FSIP1: variants seen among roughly 807,000 people sequenced by gnomAD.
FSIP1 encodes fibrous sheath-interacting protein 1.
FSIP1 carries 65 observed loss-of-function variants against 60.9 expected under a neutral mutation model. The observed-to-expected ratio is 1.07, with a 90% CI of 0.87 to 1.31. FSIP1 has a LOEUF of 1.31. Ranked by LOEUF, FSIP1 falls within the 40% of genes most tolerant of loss-of-function variation. FSIP1 has a pLI of 0.00. For synonymous variants in FSIP1, 209 were observed against 221.2 expected, an observed-to-expected ratio of 0.94 and a Z score of 0.49; for missense variants, 675 against 665.5, an observed-to-expected ratio of 1.01 and a Z score of -0.16.
chr15:39,612,521 C>T (rs1489654999), intron 11 of FSIP1, among the ~76,000 whole-genome samples: 1 of 151,934 alleles, frequency 6.6e-6, no homozygotes, highest in Non-Finnish European at 1.5e-5. Flanking sequence ...AAATATAAAA[C>T]AATAAATGCT....
chr15:39,758,388 G>A (rs1294439755), intron 5 of FSIP1, among the ~76,000 whole-genome samples: 1 of 151,906 alleles, frequency 6.6e-6, no homozygotes, highest in East Asian at 1.9e-4. Context: ...AGCAGGTTTG[G>A]TCTTTCAGAA....
In FSIP1 at chr15:39,605,429, G is replaced by A. The variant is rs147653663; in HGVS notation, c.1700-4503C>T. Among the ~76,000 whole-genome samples the A allele has an allele frequency of 2.7e-4, 41 of 152,328 alleles. No individual in the cohort carries two copies. The East Asian group carries it at 7.3e-3, about 27-fold the overall frequency. On this transcript the variant is annotated intron_variant, in intron 11 of 11. Transcript: ENST00000350221. ...AGGGCTTCTCAAACTTTATTGCCGG[G>A]AAGTATCACCAGGGATCTTATTAAA...
intron 5 of FSIP1, among the ~76,000 whole-genome samples, chr15:39,743,951 G>A (rs1294967061): frequency 6.6e-6 from 1 of 152,202 alleles, no homozygotes; most frequent in Non-Finnish European, 1.5e-5. Flanking sequence ...TAAAAGGTAT[G>A]ACAATAATGT....
At chr15:39,646,698 T>C (rs1432486709) in intron 10 of FSIP1, among the ~76,000 whole-genome samples, 1 of 141,090 alleles carries the variant, frequency 7.1e-6, no homozygotes. Context: ...TGTGACACAC[T>C]GTCTCTTAAA....
intron 10 of FSIP1, among the ~76,000 whole-genome samples, chr15:39,647,241 A>G (rs1892655376): frequency 6.6e-6 from 1 of 152,220 alleles, no homozygotes; most frequent in Non-Finnish European, 1.5e-5. Flanking sequence ...TTGCAAAAAG[A>G]GTAGATTTTA....
intron 10 of FSIP1, among the ~76,000 whole-genome samples, chr15:39,659,263 C>T (rs145400742): frequency 6.6e-6 from 1 of 152,256 alleles, no homozygotes; most frequent in African/African-American, 2.4e-5. Flanking sequence ...AAACACTGGG[C>T]TGGACGCCGT....
chr15:39,779,884 G>C (rs1023647964), intron 1 of FSIP1, among the ~76,000 whole-genome samples: 1 of 152,138 alleles, frequency 6.6e-6, no homozygotes, highest in Non-Finnish European at 1.5e-5. Flanking sequence ...ATCCTCCTCT[G>C]TTTAGTCATT....
intron 3 of FSIP1, among the ~76,000 whole-genome samples, chr15:39,767,944 GT>G (rs1011625810): frequency 3.3e-5 from 5 of 152,186 alleles, no homozygotes; most frequent in Non-Finnish European, 5.9e-5. Context: ...CTCTGCCCTT[GT>G]CATAAGGCAG....
intron 11 of FSIP1, among the ~76,000 whole-genome samples, chr15:39,605,281 G>C (rs746244545): frequency 6.6e-6 from 1 of 152,000 alleles, no homozygotes; most frequent in African/African-American, 2.4e-5. Flanking sequence ...TCCATCCCAG[G>C]AACTCTGATT....
chr15:39,667,211 T>C (rs1470146516), intron 10 of FSIP1, among the ~76,000 whole-genome samples: 3 of 152,320 alleles, frequency 2.0e-5, no homozygotes. Context: ...AATGACTTGA[T>C]TAAAGAAAAT....
chr15:39,621,414 G>A (rs1207254325), intron 10 of FSIP1, among the ~76,000 whole-genome samples: 1 of 152,186 alleles, frequency 6.6e-6, no homozygotes, highest in Non-Finnish European at 1.5e-5. Context: ...ATCCTCCTGG[G>A]GGAAGCAGCT....
chr15:39,755,596 G>T (rs555821062), intron 5 of FSIP1, among the ~76,000 whole-genome samples: 2 of 152,108 alleles, frequency 1.3e-5, no homozygotes, highest in Non-Finnish European at 2.9e-5. Flanking sequence ...ACAGTTATGT[G>T]ATTTCCTCCC....
At chr15:39,755,818 G>A (rs758543458) in intron 5 of FSIP1, among the ~76,000 whole-genome samples, 2 of 152,154 alleles carry the variant, frequency 1.3e-5, no homozygotes, top group Non-Finnish European at 2.9e-5. Context: ...AAACACAAGA[G>A]AGAAACGTGA....
At chr15:39,749,287 G>C (rs1233715953) in intron 5 of FSIP1, among the ~76,000 whole-genome samples, 2 of 72,714 alleles carry the variant, frequency 2.8e-5, no homozygotes, top group Non-Finnish European at 5.7e-5. Context: ...CCAGGCTAGA[G>C]GGGATACTTT....
intron 10 of FSIP1, among the ~76,000 whole-genome samples, chr15:39,669,627 T>C (rs1470627251): frequency 6.6e-6 from 1 of 152,244 alleles, no homozygotes; most frequent in Non-Finnish European, 1.5e-5. Flanking sequence ...TTTAATTATA[T>C]GCCAAGTTTG....
chr15:39,630,090 T>C (rs1047327128), intron 10 of FSIP1, among the ~76,000 whole-genome samples: 1 of 152,214 alleles, frequency 6.6e-6, no homozygotes, highest in Non-Finnish European at 1.5e-5. Flanking sequence ...AAATATCTAA[T>C]TACCCCTGTA....
intron 10 of FSIP1, among the ~76,000 whole-genome samples, chr15:39,640,677 A>G (rs529476589): frequency 3.4e-4 from 52 of 151,478 alleles, no homozygotes; most frequent in Admixed American, 2.9e-3. Flanking sequence ...GAATCACAGC[A>G]GATTCACAAA....
intron 2 of FSIP1, among the ~76,000 whole-genome samples, chr15:39,773,110 C>G (rs552065204): frequency 6.6e-6 from 1 of 151,798 alleles, no homozygotes. Flanking sequence ...TCACTAAATA[C>G]ATGTCACTAA....
chr15:39,776,454 CT>C lies in FSIP1; in HGVS notation c.70del (p.Ser24AlafsTer26). Reference protein sequence around the residue: ...PASNSRIRPGSRSSNASLEVL... With the variant: ...PASNSRIRPGXRSSNASLEVL... ...CTCCAAAGAAGCATTTGAACTTCTG[CT>C]CCCAGGGCGTATTCTTGAATTTGAA... On this transcript the variant is annotated frameshift_variant, in exon 2 of 12. Transcript: ENST00000350221. LOFTEE classifies it high-confidence loss of function. 1 of 1,613,570 alleles carries C rather than the reference CT, an allele frequency of 6.2e-7. No homozygotes were observed. The highest frequency in any genetic ancestry group is 1.1e-5 in the South Asian group (1 of 91,058).
Sources: allele counts gnomAD v4.1 joint callset (sites outside exome capture counted in the v4.1 genomes callset), GRCh38; gene constraint gnomAD v4.1.1; transcripts MANE v1.5; gene names NCBI Gene and HGNC (gene_info 2026-07-23, HGNC 2026-07-21).